The following OPCML variants were observed in gnomAD, a reference collection of about 807,000 sequenced individuals.
OPCML encodes the protein opioid-binding protein/cell adhesion molecule.
In OPCML, 13 loss-of-function variants were observed where a neutral mutation model predicts 37.8. The observed-to-expected ratio is 0.34, with a 90% CI of 0.22 to 0.55. The LOEUF is 0.55. OPCML is among the 20% of genes least tolerant of loss of function. OPCML has a pLI of 0.91. For missense variants in OPCML, 341 were observed against 435.6 expected (o/e 0.78, Z 1.93); for synonymous variants, 176 against 168.8 (o/e 1.04, Z -0.33).
At chr11:132,662,778 T>C (rs1942039901) in intron 2 of OPCML, among the ~76,000 whole-genome samples, 3 of 152,214 alleles carry the variant, frequency 2.0e-5, no homozygotes, top group Admixed American at 2.0e-4. Context: ...AAATTGTGTC[T>C]AACTTTACAA....
chr11:132,658,669 G>A (rs1941819990), intron 2 of OPCML, among the ~76,000 whole-genome samples: 1 of 152,116 alleles, frequency 6.6e-6, no homozygotes, highest in East Asian at 1.9e-4. Context: ...AGGGTGTTAG[G>A]CACTCTCACA....
At chr11:132,676,054 C>T (rs913350424) in intron 2 of OPCML, among the ~76,000 whole-genome samples, 1 of 152,106 alleles carries the variant, frequency 6.6e-6, no homozygotes, top group Non-Finnish European at 1.5e-5. Flanking sequence ...TAAAAAGCTA[C>T]AGCAATTAAG....
chr11:132,701,761 AT>A (rs1491170297), intron 2 of OPCML, among the ~76,000 whole-genome samples: 2 of 72,500 alleles, frequency 2.8e-5, no homozygotes, highest in Non-Finnish European at 5.3e-5. Flanking sequence ...CAATTTGATG[AT>A]TGTGTGTGTG....
At chr11:133,110,250 A>G (rs1342444930) in intron 1 of OPCML, among the ~76,000 whole-genome samples, 2 of 152,226 alleles carry the variant, frequency 1.3e-5, no homozygotes, top group East Asian at 3.9e-4. Flanking sequence ...TATTGTCCAC[A>G]GAGTAACCAC....
At chr11:132,507,606 T>A (rs1192730016) in intron 4 of OPCML, among the ~76,000 whole-genome samples, 1 of 151,790 alleles carries the variant, frequency 6.6e-6, no homozygotes, top group Non-Finnish European at 1.5e-5. Flanking sequence ...AAATTTTTTT[T>A]AAAATTGCCA....
intron 4 of OPCML, among the ~76,000 whole-genome samples, chr11:132,500,031 G>T (rs2096242223): frequency 6.6e-6 from 1 of 152,216 alleles, no homozygotes; most frequent in South Asian, 2.1e-4. Flanking sequence ...CAGATCTGGA[G>T]TGGCTTAATC....
chr11:133,089,989 A>G (rs1948879476), intron 1 of OPCML, among the ~76,000 whole-genome samples: 1 of 152,196 alleles, frequency 6.6e-6, no homozygotes, highest in Admixed American at 6.5e-5. Flanking sequence ...AGATACACTA[A>G]ATATCAAAAA....
chr11:133,386,390 T>G (rs1425709063), intron 1 of OPCML, among the ~76,000 whole-genome samples: 1 of 152,238 alleles, frequency 6.6e-6, no homozygotes, highest in African/African-American at 2.4e-5. Context: ...GCGCATTTAA[T>G]AGCCTAGTGT....
intron 2 of OPCML, among the ~76,000 whole-genome samples, chr11:132,832,280 C>T (rs1940738144): frequency 6.9e-6 from 1 of 144,834 alleles, no homozygotes; most frequent in Non-Finnish European, 1.5e-5. Flanking sequence ...CTTAAACTTA[C>T]AGAACGAACA....
In OPCML at chr11:132,912,207, A is replaced by T. The variant is rs1448474786; in HGVS notation, c.146+30719T>A. ...TAAGACTGCAAAGCTCTCAGATATA[A>T]TATTGAAATTTTGACCTTATCTTTC... On this transcript the variant is annotated intron_variant, in intron 2 of 7. Transcript: ENST00000524381. Among the ~76,000 whole-genome samples, 3 of 152,352 alleles carry T rather than the reference A, an allele frequency of 2.0e-5. No individual in the cohort carries two copies. The East Asian group carries it at 5.8e-4, about 29-fold the overall frequency.
chr11:133,014,828 C>T (rs565251767), intron 1 of OPCML, among the ~76,000 whole-genome samples: 1 of 152,188 alleles, frequency 6.6e-6, no homozygotes, highest in East Asian at 1.9e-4. Context: ...GTCTCAAGCC[C>T]TCTCTCTCTT....
chr11:133,120,932 TTC>T (rs1157260377), intron 1 of OPCML, among the ~76,000 whole-genome samples: 2 of 152,134 alleles, frequency 1.3e-5, no homozygotes, highest in African/African-American at 4.8e-5. Context: ...ATCATATTAA[TTC>T]TTTTTTTAGA....
chr11:132,605,285 C>T (rs1056296166), intron 3 of OPCML, among the ~76,000 whole-genome samples: 2 of 151,884 alleles, frequency 1.3e-5, no homozygotes, highest in Non-Finnish European at 2.9e-5. Flanking sequence ...CAGCTGGGCA[C>T]GGTGGCTCAC....
At chr11:133,289,371 G>A (rs1277841719) in intron 1 of OPCML, among the ~76,000 whole-genome samples, 3 of 151,794 alleles carry the variant, frequency 2.0e-5, no homozygotes, top group Non-Finnish European at 4.4e-5. Flanking sequence ...CGAGGCGGGC[G>A]GATCACGAGG....
rs1948623808 is a variant in OPCML at position 133,532,346 on chromosome 11, G to A, written c.-22C>T. 6.2e-7 allele frequency: 1 copy of A among 1,611,272 alleles called. No individual in the cohort carries two copies. Among genetic ancestry groups the A allele is most frequent in the East Asian group, 2.2e-5 (1 of 44,636 alleles). ...ACATCTCGACGCTGCGGTGCTCTCA[G>A]CTGCCGGGCTTGCTACTGCTTCTGC... On this transcript the variant is annotated 5_prime_UTR_variant, in exon 1 of 8. Coordinates refer to ENST00000524381, the MANE Select transcript of OPCML (RefSeq NM_001012393.5).
At chr11:132,959,756 G>A (rs1946053467) in intron 1 of OPCML, among the ~76,000 whole-genome samples, 1 of 152,166 alleles carries the variant, frequency 6.6e-6, no homozygotes, top group East Asian at 1.9e-4. Flanking sequence ...AAATCTGGAA[G>A]GCAGAAAGGA....
chr11:132,910,148 A>G (rs990944254), intron 2 of OPCML, among the ~76,000 whole-genome samples: 2 of 152,216 alleles, frequency 1.3e-5, no homozygotes, highest in Admixed American at 1.3e-4. Flanking sequence ...GCTTTCAATA[A>G]GCTCGTTTCA....
intron 1 of OPCML, among the ~76,000 whole-genome samples, chr11:133,130,245 G>C (rs1211084656): frequency 6.6e-6 from 1 of 151,670 alleles, no homozygotes; most frequent in African/African-American, 2.4e-5. Flanking sequence ...AAAAACTACT[G>C]AAAATGAAGC....
In OPCML at chr11:133,199,440, C is replaced by T. The variant is rs538881659; in HGVS notation, c.62-256430G>A. On this transcript the variant is annotated intron_variant, in intron 1 of 7. Coordinates refer to ENST00000524381, the MANE Select transcript of OPCML (RefSeq NM_001012393.5). ...TCACAGTTCAGTGCTTCAACATACA[C>T]ATATGACGCTACAGTCGCCTAGTGA... Among the ~76,000 whole-genome samples the T allele has an allele frequency of 3.9e-5, 6 of 152,210 alleles. No homozygotes were observed. In the East Asian group the frequency reaches 9.7e-4, roughly 24 times the overall value.
Sources: allele counts gnomAD v4.1 joint callset (sites outside exome capture counted in the v4.1 genomes callset), GRCh38; gene constraint gnomAD v4.1.1; transcripts MANE v1.5; gene names NCBI Gene and HGNC (gene_info 2026-07-23, HGNC 2026-07-21).